Variants in ZDHHC1 observed in about 807,000 individuals in gnomAD.
ZDHHC1 encodes palmitoyltransferase ZDHHC1.
Under a neutral mutation model 46.9 loss-of-function variants are expected in ZDHHC1, and 45 were observed. The observed-to-expected ratio is 0.96, with a 90% CI of 0.76 to 1.23. The LOEUF is 1.23. Among genes scored for constraint, ZDHHC1 ranks in the 50% most tolerant of loss-of-function variants. ZDHHC1 has a pLI of 0.00. For missense variants in ZDHHC1, 649 were observed against 670.8 expected, an observed-to-expected ratio of 0.97 and a Z score of 0.36; for synonymous variants, 291 against 286.0, an observed-to-expected ratio of 1.02 and a Z score of -0.18.
intron 1 of ZDHHC1, among the ~76,000 whole-genome samples, chr16:67,409,026 G>T (rs2040707966): frequency 6.6e-6 from 1 of 152,130 alleles, no homozygotes; most frequent in Non-Finnish European, 1.5e-5. Context: ...CCCCAAACCT[G>T]AACAACCCTA....
In ZDHHC1 at chr16:67,398,617, G is replaced by A; in HGVS notation, c.770C>T (p.Ser257Phe). 1.9e-6 allele frequency: 3 copies of A among 1,606,392 alleles called. No homozygotes were observed. Among genetic ancestry groups the A allele is most frequent in the Non-Finnish European group, 2.5e-6 (3 of 1,177,348 alleles). Residue 257 changes from serine to phenylalanine, a missense_variant, in exon 7 of 12, where the codon TCC becomes TTC. Coordinates refer to ENST00000565726, the MANE Select transcript of ZDHHC1 (RefSeq NM_001323627.2). ...AALLILLGLLSTALLGHLLCF... is the reference protein window; with the variant it reads ...AALLILLGLLFTALLGHLLCF... The stretch of plus-strand genomic sequence containing the variant: ...GAGCAGGTGCCCCAGGAGGGCTGTG[G>A]ACAGGAGGCCCAGAAGGATGAGCAG...
intron 1 of ZDHHC1, among the ~76,000 whole-genome samples, chr16:67,409,800 T>A (rs953103916): frequency 1.3e-5 from 2 of 152,162 alleles, no homozygotes; most frequent in African/African-American, 4.8e-5. Flanking sequence ...TCAGCACTTA[T>A]CGGAGCCCAG....
intron 6 of ZDHHC1, 30 bp from the exon 7 acceptor site, chr16:67,398,761 CG>C: frequency 6.2e-7 from 1 of 1,611,266 alleles, no homozygotes; most frequent in Non-Finnish European, 8.5e-7. Flanking sequence ...TGTGCTCAGC[CG>C]GGGACGTGAC....
chr16:67,403,340 G>A (rs2040588707), intron 3 of ZDHHC1, among the ~76,000 whole-genome samples: 1 of 152,198 alleles, frequency 6.6e-6, no homozygotes, highest in Non-Finnish European at 1.5e-5. Context: ...GCCTATAGAA[G>A]GAACATTAAG....
chr16:67,396,577 T>G (rs2040438180), intron 8 of ZDHHC1, among the ~76,000 whole-genome samples: 2 of 149,846 alleles, frequency 1.3e-5, no homozygotes, highest in African/African-American at 2.5e-5. Flanking sequence ...TGGGGGTGGG[T>G]GGCTGCCTGC....
chr16:67,398,876 A>G lies in ZDHHC1; in HGVS notation c.599T>C (p.Val200Ala). The change falls in exon 6 of 12, where the codon GTC (valine) becomes GCC (alanine). Residue 200 changes from valine (V) to alanine (A), a missense_variant. Coordinates refer to ENST00000565726, the MANE Select transcript of ZDHHC1 (RefSeq NM_001323627.2). ...VLLLVLVATYVFVEFFVNPMR... is the reference protein window; with the variant it reads ...VLLLVLVATYAFVEFFVNPMR... ...GGGGTTGACAAAGAACTCCACGAAG[A>G]CATATGTGGCCACCAGCACCAGGAG... The G allele has an allele frequency of 6.2e-7, 1 of 1,613,374 alleles. No individual in the cohort carries two copies. Among genetic ancestry groups the G allele is most frequent in the East Asian group, 2.2e-5 (1 of 44,838 alleles).
intron 3 of ZDHHC1, among the ~76,000 whole-genome samples, chr16:67,402,869 C>G (rs2040580104): frequency 6.6e-6 from 1 of 152,208 alleles, no homozygotes; most frequent in Non-Finnish European, 1.5e-5. Context: ...CTCAGGTGAT[C>G]TGCCTGCCTT....
At chr16:67,395,893 C>T (rs1379470377) in intron 8 of ZDHHC1, 2 of 328,648 alleles carry the variant, frequency 6.1e-6, no homozygotes, top group Middle Eastern at 9.0e-4. Flanking sequence ...CCCGCACCTG[C>T]TCCTGGTGTC....
At chr16:67,404,874 C>T (rs1447717940) in intron 3 of ZDHHC1, among the ~76,000 whole-genome samples, 4 of 152,246 alleles carry the variant, frequency 2.6e-5, no homozygotes, top group African/African-American at 9.6e-5. Flanking sequence ...TCTACTTGTA[C>T]AAGGCATGGG....
chr16:67,395,682 A>G, intron 8 of ZDHHC1, 116 bp from the exon 9 acceptor site: 1 of 1,011,926 alleles, frequency 9.9e-7, no homozygotes, highest in Non-Finnish European at 1.5e-6. Context: ...CTCAGGCCTC[A>G]TGCCAGGCTC....
At chr16:67,397,720 C>T (rs547716064) in intron 8 of ZDHHC1, among the ~76,000 whole-genome samples, 21 of 152,288 alleles carry the variant, frequency 1.4e-4, no homozygotes, top group South Asian at 4.1e-4. Context: ...CTGGCCAGGC[C>T]GGCCAGAGCG....
Position 67,410,637 on chromosome 16 carries a change from C to CTTAA in ZDHHC1, c.-38-2828_-38-2825dup, listed in dbSNP as rs1214991835. ...TGTTTTCAATATAAGGTTAGGCTAC[C>CTTAA]TTAATTAATTATTATTATTATTATT... On this transcript the variant is annotated intron_variant, in intron 1 of 11. Coordinates refer to ENST00000565726, the MANE Select transcript of ZDHHC1 (RefSeq NM_001323627.2). Among the ~76,000 whole-genome samples, 73 of 145,780 alleles carry CTTAA rather than the reference C, an allele frequency of 5.0e-4. 1 individual carries two copies. The highest frequency in any genetic ancestry group is 1.1e-3 in the African/African-American group (42 of 37,478).
chr16:67,399,575 C>T, intron 4 of ZDHHC1, 119 bp from the exon 5 acceptor site: 2 of 773,720 alleles, frequency 2.6e-6, no homozygotes, highest in Non-Finnish European at 3.9e-6. Flanking sequence ...GAGACAGCCC[C>T]GAGCGAGGCG....
chr16:67,402,004 C>T lies in ZDHHC1; in HGVS notation c.253-872G>A, dbSNP rs138396638. On this transcript the variant is annotated intron_variant, in intron 3 of 11. Transcript: ENST00000565726. ...CATCATTCATGCTCTACCCATCATC[C>T]ATCTGCCATCCTTCATTCATCAGCT... 2.9e-3 allele frequency among the ~76,000 whole-genome samples: 437 copies of T among 152,312 alleles called. 3 individuals are homozygous for T. Among genetic ancestry groups the T allele is most frequent in the African/African-American group, 9.7e-3 (405 of 41,556 alleles).
At position 67,407,715 on chromosome 16, in the gene ZDHHC1, T is replaced by A. The variant is rs1489533126; in HGVS notation, c.9+52A>T. On this transcript the variant is annotated intron_variant, in intron 2 of 11. Transcript: ENST00000565726. ...AAGGCAGCAAATGTGCTGGGTGGGG[T>A]TTATTCATCTCTGTCCCCTATGTCC... 9 of 780,000 alleles carry A rather than the reference T, an allele frequency of 1.2e-5. No individual in the cohort carries two copies. In the Admixed American group the frequency reaches 1.5e-4, roughly 13 times the overall value. The allele number at this position is 780,000 out of a possible 1,614,324, so 48.3% of individuals were successfully genotyped here.
intron 8 of ZDHHC1, among the ~76,000 whole-genome samples, chr16:67,397,592 G>C (rs1448799386): frequency 6.6e-6 from 1 of 151,972 alleles, no homozygotes; most frequent in African/African-American, 2.4e-5. Context: ...AAGCCTGCCC[G>C]GGCCCCGCCT....
At chr16:67,404,100 A>C (rs1299943593) in intron 3 of ZDHHC1, 1 of 152,354 alleles carries the variant, frequency 6.6e-6, no homozygotes, top group Non-Finnish European at 1.5e-5. Flanking sequence ...GCAGTGGCAG[A>C]AACCGGGAGC....
chr16:67,405,551 T>C (rs1422018103), intron 3 of ZDHHC1, among the ~76,000 whole-genome samples: 1 of 152,124 alleles, frequency 6.6e-6, no homozygotes, highest in Non-Finnish European at 1.5e-5. Flanking sequence ...TGCAGCCACA[T>C]CCTCTGCTCC....
rs1433067486 is a variant in ZDHHC1, at chr16:67,394,212, G to GT, written c.*397dup. On this transcript the variant is annotated 3_prime_UTR_variant, in exon 12 of 12. Transcript: ENST00000565726. ...AAGCCTGCTTTCTCTCGGCCTCCCA[G>GT]TGCAAAGCCCATCTTTAAGAAAAAT... Among the ~76,000 whole-genome samples, 3 of 152,198 alleles carry GT rather than the reference G, an allele frequency of 2.0e-5. No individual in the cohort carries two copies. Among genetic ancestry groups the GT allele is most frequent in the Non-Finnish European group, 4.4e-5 (3 of 68,030 alleles).
Sources: gnomAD v4.1 joint callset for allele counts (sites outside exome capture counted in the v4.1 genomes callset) on GRCh38, gnomAD v4.1.1 for gene constraint, MANE v1.5 for transcripts, NCBI Gene and HGNC (gene_info 2026-07-23, HGNC 2026-07-21) for gene names.